Variants in CFAP299 observed in about 807,000 individuals in gnomAD.
CFAP299 encodes cilia- and flagella-associated protein 299.
CFAP299 carries 21 observed loss-of-function variants against 27.0 expected under a neutral mutation model. The observed-to-expected ratio is 0.78, with a 90% CI of 0.55 to 1.12. CFAP299 has a LOEUF of 1.12. Ranked by LOEUF, CFAP299 falls within the 50% of genes most tolerant of loss-of-function variation. CFAP299 has a pLI of 0.00. For synonymous variants in CFAP299, 104 were observed against 98.1 expected (o/e 1.06, Z -0.36); for missense variants, 310 against 276.6 (o/e 1.12, Z -0.86).
Position 80,398,278 on chromosome 4 carries a change from A to G in CFAP299, c.242+35394A>G, listed in dbSNP as rs147715128. Among the ~76,000 whole-genome samples, 939 of 152,328 alleles carry G rather than the reference A, an allele frequency of 6.2e-3. 2 individuals are homozygous for G. The highest frequency in any genetic ancestry group is 0.024 in the Middle Eastern group (7 of 294). Reference sequence around the variant, plus strand: ...CCATACTGCCCAAGGTAATTTATAGATTCAATGCTGTCCCCATCAAGCTAC... The same window carrying G: ...CCATACTGCCCAAGGTAATTTATAGGTTCAATGCTGTCCCCATCAAGCTAC... On this transcript the variant is annotated intron_variant, in intron 2 of 5. Transcript: ENST00000358105.
chr4:80,386,689 G>A, intron 2 of CFAP299: 3 of 1,577,656 alleles, frequency 1.9e-6, no homozygotes, highest in Non-Finnish European at 1.7e-6. Flanking sequence ...GGCGGCTGAA[G>A]GACCTGCTGC....
chr4:80,430,489 C>A (rs560836229), intron 2 of CFAP299, among the ~76,000 whole-genome samples: 2 of 152,350 alleles, frequency 1.3e-5, no homozygotes, highest in African/African-American at 4.8e-5. Flanking sequence ...CTCTGGGGAT[C>A]AGTCCTTGAA....
rs1005628104 is a variant in CFAP299, at chr4:80,631,102, A to G, written c.333+47919A>G. Among the ~76,000 whole-genome samples the G allele has an allele frequency of 5.3e-5, 8 of 152,072 alleles. No individual in the cohort carries two copies. In the East Asian group the frequency reaches 9.6e-4, roughly 18 times the overall value. Reference sequence around the variant, plus strand: ...ATAAAATAACATTATGTTCACATCAATTGGCCCAGCCTTTAGTATATTAAG... The same window carrying G: ...ATAAAATAACATTATGTTCACATCAGTTGGCCCAGCCTTTAGTATATTAAG... On this transcript the variant is annotated intron_variant, in intron 3 of 5. Transcript: ENST00000358105.
intron 3 of CFAP299, among the ~76,000 whole-genome samples, chr4:80,611,735 G>A (rs1048298778): frequency 1.3e-5 from 2 of 151,962 alleles, no homozygotes; most frequent in African/African-American, 2.4e-5. Flanking sequence ...TTGAGGATTC[G>A]GCTCTTAACT....
At chr4:80,909,725 G>A (rs1735371902) in intron 4 of CFAP299, among the ~76,000 whole-genome samples, 1 of 151,528 alleles carries the variant, frequency 6.6e-6, no homozygotes, top group Non-Finnish European at 1.5e-5. Context: ...TACAAATGGA[G>A]GTATTTCAAT....
rs568058555 is a variant in CFAP299 at position 80,782,025 on chromosome 4, T to C, written c.334-87968T>C. 6.8e-4 allele frequency among the ~76,000 whole-genome samples: 103 copies of C among 152,254 alleles called. 2 individuals carry two copies. In the South Asian group the frequency reaches 0.014, roughly 20 times the overall value. On this transcript the variant is annotated intron_variant, in intron 3 of 5. Coordinates refer to ENST00000358105, the MANE Select transcript of CFAP299 (RefSeq NM_152770.3). ...TATAATTGTTATGAGACATCTACTATTTTTGCCCAGAATCATTCAGCCTAT... is the reference window on the plus strand; with the variant it reads ...TATAATTGTTATGAGACATCTACTACTTTTGCCCAGAATCATTCAGCCTAT...
intron 3 of CFAP299, among the ~76,000 whole-genome samples, chr4:80,725,350 T>C (rs1037095543): frequency 6.6e-6 from 1 of 152,090 alleles, no homozygotes; most frequent in Non-Finnish European, 1.5e-5. Context: ...TTTCTATTTT[T>C]TTCTTCATTG....
intron 3 of CFAP299, among the ~76,000 whole-genome samples, chr4:80,824,913 A>G (rs1729901822): frequency 6.6e-6 from 1 of 152,102 alleles, no homozygotes; most frequent in African/African-American, 2.4e-5. Context: ...AGGAACAAAA[A>G]ATTTCTCCAG....
At chr4:80,845,229 G>T (rs188352681) in intron 3 of CFAP299, among the ~76,000 whole-genome samples, 66 of 150,276 alleles carry the variant, frequency 4.4e-4, no homozygotes, top group African/African-American at 1.5e-3. Context: ...GATTGACTTG[G>T]TTTTATCATG....
intron 3 of CFAP299, among the ~76,000 whole-genome samples, chr4:80,766,052 A>G (rs566616276): frequency 6.6e-6 from 1 of 152,192 alleles, no homozygotes; most frequent in Non-Finnish European, 1.5e-5. Context: ...GATGAAACTC[A>G]TGAATCTTAA....
intron 2 of CFAP299, among the ~76,000 whole-genome samples, chr4:80,399,409 C>T (rs891959929): frequency 6.6e-6 from 1 of 152,038 alleles, no homozygotes; most frequent in African/African-American, 2.4e-5. Flanking sequence ...TATTGCAGCA[C>T]TATTCACAAT....
At chr4:80,492,297 G>T (rs1731177842) in intron 2 of CFAP299, among the ~76,000 whole-genome samples, 1 of 152,134 alleles carries the variant, frequency 6.6e-6, no homozygotes, top group Non-Finnish European at 1.5e-5. Flanking sequence ...TATGTCATGG[G>T]CCATGGTCAC....
At chr4:80,382,372 C>T (rs1479638809) in intron 2 of CFAP299, among the ~76,000 whole-genome samples, 1 of 152,088 alleles carries the variant, frequency 6.6e-6, no homozygotes, top group African/African-American at 2.4e-5. Flanking sequence ...TTCTGCATAA[C>T]AAAAGAAACT....
At chr4:80,401,484 G>A (rs1726153114) in intron 2 of CFAP299, among the ~76,000 whole-genome samples, 1 of 152,228 alleles carries the variant, frequency 6.6e-6, no homozygotes, top group Non-Finnish European at 1.5e-5. Flanking sequence ...TCAGAGGGGG[G>A]AAGCCCCAAG....
chr4:80,662,311 T>C (rs1451242459), intron 3 of CFAP299, among the ~76,000 whole-genome samples: 2 of 152,010 alleles, frequency 1.3e-5, no homozygotes, highest in African/African-American at 4.8e-5. Flanking sequence ...AGCTTTAAAA[T>C]TTCTCTCTTT....
chr4:80,772,395 T>C (rs1451915169), intron 3 of CFAP299, among the ~76,000 whole-genome samples: 2 of 152,130 alleles, frequency 1.3e-5, no homozygotes, highest in Non-Finnish European at 2.9e-5. Context: ...ACTGCATGGG[T>C]ACTGAGTAGT....
chr4:80,452,883 CT>C (rs1414887722), intron 2 of CFAP299, among the ~76,000 whole-genome samples: 3 of 152,142 alleles, frequency 2.0e-5, no homozygotes, highest in African/African-American at 7.2e-5. Context: ...ATGATGATTA[CT>C]TTTAAAATGA....
intron 3 of CFAP299, among the ~76,000 whole-genome samples, chr4:80,693,257 T>C (rs1009657773): frequency 3.3e-5 from 5 of 152,202 alleles, no homozygotes; most frequent in Admixed American, 2.0e-4. Flanking sequence ...CGTATGTTTA[T>C]TGTGGCATTA....
chr4:80,709,091 T>G (rs1358078072), intron 3 of CFAP299, among the ~76,000 whole-genome samples: 2 of 152,158 alleles, frequency 1.3e-5, no homozygotes, highest in Admixed American at 1.3e-4. Context: ...TAAATCAAAA[T>G]GAGCCCAATA....
Sources: allele counts gnomAD v4.1 joint callset (sites outside exome capture counted in the v4.1 genomes callset), GRCh38; gene constraint gnomAD v4.1.1; transcripts MANE v1.5; gene names NCBI Gene and HGNC (gene_info 2026-07-23, HGNC 2026-07-21).